The following DOCK7 variants were observed in gnomAD, a reference collection of about 807,000 sequenced individuals.
DOCK7 encodes dedicator of cytokinesis 7, also known as dedicator of cytokinesis protein 7.
A neutral mutation model predicts 271.0 loss-of-function variants in DOCK7; 138 were observed. That is an observed-to-expected ratio of 0.51 (90% CI 0.44 to 0.59). The LOEUF (loss-of-function observed/expected upper bound fraction) is 0.59. Among genes scored for constraint, DOCK7 ranks in the 20% least tolerant of loss-of-function variants. DOCK7 has a pLI of 0.00. For synonymous variants in DOCK7, 823 were observed against 876.1 expected (o/e 0.94, Z 1.07); for missense variants, 2,066 against 2,592.4 (o/e 0.80, Z 4.41).
At chr1:62,507,032 C>G (rs189219623) in intron 35 of DOCK7, among the ~76,000 whole-genome samples, 135 of 151,920 alleles carry the variant, frequency 8.9e-4, no homozygotes, top group African/African-American at 3.1e-3. Context: ...TGGTCTTGAA[C>G]TCCTGACTTG....
Position 62,618,765 on chromosome 1 carries a change from A to G in DOCK7, c.1623T>C (p.Pro541=). The G allele has an allele frequency of 6.2e-7, 1 of 1,613,792 alleles. No homozygotes were observed. ...CGGGAAACTCTAAGATTTCTCTGGTAGGTCTAACTCTACTGTCAGGGTAAA... is the reference window on the plus strand; with the variant it reads ...CGGGAAACTCTAAGATTTCTCTGGTGGGTCTAACTCTACTGTCAGGGTAAA... ...VKLYPDSRVR[P]TREILEFPAR... is the part of the protein sequence containing the mutation. Residue 541 remains proline, a synonymous_variant, in exon 14 of 50, where the codon CCT becomes CCC. Transcript: ENST00000635253.
At chr1:62,484,404 G>T (rs538815789) in intron 43 of DOCK7, 2 of 152,244 alleles carry the variant, frequency 1.3e-5, no homozygotes, top group East Asian at 3.9e-4. Flanking sequence ...TATCACTGGG[G>T]ATTGATTTTT....
At chr1:62,661,490 T>C (rs777476403) in intron 2 of DOCK7, among the ~76,000 whole-genome samples, 6 of 151,928 alleles carry the variant, frequency 3.9e-5, no homozygotes, top group Non-Finnish European at 8.8e-5. Flanking sequence ...TGTAAGTATA[T>C]ATTATACATA....
chr1:62,598,244 C>T (rs1649584831), intron 14 of DOCK7, among the ~76,000 whole-genome samples: 1 of 151,608 alleles, frequency 6.6e-6, no homozygotes. Context: ...TTTTGTTTCC[C>T]TAATGTTATA....
chr1:62,559,940 A>C (rs1175219809), intron 19 of DOCK7, among the ~76,000 whole-genome samples: 1 of 152,164 alleles, frequency 6.6e-6, no homozygotes, highest in African/African-American at 2.4e-5. Context: ...CATGTTAGGC[A>C]AAGGGTGCCT....
At chr1:62,592,794 T>A (rs552233515) in intron 14 of DOCK7, among the ~76,000 whole-genome samples, 11 of 152,140 alleles carry the variant, frequency 7.2e-5, no homozygotes, top group Non-Finnish European at 1.5e-4. Flanking sequence ...AAAGAGGAAC[T>A]CTCATATACT....
At chr1:62,658,224 C>T (rs1229903448) in intron 2 of DOCK7, among the ~76,000 whole-genome samples, 1 of 151,860 alleles carries the variant, frequency 6.6e-6, no homozygotes, top group African/African-American at 2.4e-5. Flanking sequence ...GAGGCAGAGG[C>T]AGGCAGATCA....
intron 14 of DOCK7, chr1:62,608,195 C>T (rs879418726): frequency 2.6e-5 from 4 of 152,076 alleles, no homozygotes; most frequent in African/African-American, 4.8e-5. Context: ...ATAGTTGTGC[C>T]CTCACAAGAA....
intron 18 of DOCK7, 96 bp from the exon 19 acceptor site, chr1:62,561,799 G>T: frequency 8.0e-6 from 5 of 622,010 alleles, no homozygotes; most frequent in Non-Finnish European, 1.3e-5. Context: ...GAAAAATATT[G>T]TGAAAATATA....
chr1:62,654,157 C>T lies in DOCK7; in HGVS notation c.147G>A (p.Val49=), dbSNP rs1557864968. ...IVGNISHHTT[V]PLTEAVDPVD... ...CTGGATCTACTGCTTCGGTAAGGGG[C>T]ACCTTTGTAAAAAGTTGGGATAAGA... The change falls in exon 3 of 50, where the codon GTG becomes GTA. Residue 49 remains valine (V), a splice_region_variant and synonymous_variant. Transcript: ENST00000635253. 6.2e-7 allele frequency: 1 copy of T among 1,608,126 alleles called. No homozygotes were observed. Among genetic ancestry groups the T allele is most frequent in the African/African-American group, 1.3e-5 (1 of 74,614 alleles).
At chr1:62,679,013 T>C (rs1571997164) in intron 1 of DOCK7, among the ~76,000 whole-genome samples, 4 of 152,290 alleles carry the variant, frequency 2.6e-5, no homozygotes, top group Admixed American at 6.5e-5. Flanking sequence ...TAAATACATA[T>C]GCATACTATG....
intron 31 of DOCK7, among the ~76,000 whole-genome samples, chr1:62,518,297 C>T (rs1426054679): frequency 4.6e-5 from 7 of 150,664 alleles, no homozygotes; most frequent in South Asian, 2.1e-4. Flanking sequence ...ATTGGTCCGG[C>T]GTGGTGGCTC....
At chr1:62,631,534 C>T in intron 10 of DOCK7, 129 bp from the exon 11 acceptor site, 1 of 753,486 alleles carries the variant, frequency 1.3e-6, no homozygotes, top group Non-Finnish European at 2.1e-6. Context: ...AAAATCTGTA[C>T]CTTACAGAGA....
chr1:62,542,633 T>C lies in DOCK7; in HGVS notation c.3020A>G (p.Gln1007Arg). ...CATTAATTCAAAAAAGAACCAGGCT[T>C]GTTGCAAAGCTGATTCCCGAACGCT... ...SGSVRESALQ[Q>R]AWFFFELMVK... Residue 1007 changes from glutamine (Q) to arginine (R), a missense_variant, in exon 25 of 50, where the codon CAA becomes CGA. Gln to Arg is a conservative substitution (Grantham distance 43). This residue lies in a region of DOCK7 where 1,414 missense variants were observed against 1,670.4 expected (regional missense o/e 0.85). Coordinates refer to ENST00000635253, the MANE Select transcript of DOCK7 (RefSeq NM_001367561.1). 1 of 1,612,778 alleles carries C rather than the reference T, an allele frequency of 6.2e-7. No individual in the cohort carries two copies. The highest frequency in any genetic ancestry group is 8.5e-7 in the Non-Finnish European group (1 of 1,179,208).
intron 37 of DOCK7, among the ~76,000 whole-genome samples, chr1:62,504,097 C>T (rs1646872709): frequency 6.7e-6 from 1 of 148,382 alleles, no homozygotes; most frequent in Admixed American, 6.7e-5. Flanking sequence ...AAAAAGAAAA[C>T]ACAAACTGAA....
chr1:62,490,705 C>T lies in DOCK7; in HGVS notation c.5362-1640G>A, dbSNP rs188306390. 5.1e-3 allele frequency among the ~76,000 whole-genome samples: 773 copies of T among 152,240 alleles called. 7 individuals are homozygous for T. The highest frequency in any genetic ancestry group is 7.8e-3 in the Non-Finnish European group (532 of 68,006). Reference sequence around the variant, plus strand: ...AAAAGAATTTTAATAATATAGGTTACTGTCCCCCAATCTAAATGCACTATT... The same window carrying T: ...AAAAGAATTTTAATAATATAGGTTATTGTCCCCCAATCTAAATGCACTATT... On this transcript the variant is annotated intron_variant, in intron 41 of 49. Coordinates refer to ENST00000635253, the MANE Select transcript of DOCK7 (RefSeq NM_001367561.1).
At chr1:62,642,403 C>T (rs1305683220) in intron 7 of DOCK7, among the ~76,000 whole-genome samples, 1 of 152,168 alleles carries the variant, frequency 6.6e-6, no homozygotes, top group Non-Finnish European at 1.5e-5. Flanking sequence ...CGTGCCTGGC[C>T]TGTTCTACTT....
At chr1:62,456,406 C>T (rs959848967) in intron 49 of DOCK7, among the ~76,000 whole-genome samples, 5 of 152,100 alleles carry the variant, frequency 3.3e-5, no homozygotes, top group Admixed American at 6.5e-5. Flanking sequence ...ACTTATCCTT[C>T]GTGCCATTAA....
At chr1:62,618,681 A>C in intron 14 of DOCK7, 25 bp downstream of exon 14, 1 of 1,589,074 alleles carries the variant, frequency 6.3e-7, no homozygotes, top group Non-Finnish European at 8.6e-7. Flanking sequence ...CTTCTATCAG[A>C]ATTCTCCAAA....
Sources: allele counts gnomAD v4.1 joint callset (sites outside exome capture counted in the v4.1 genomes callset), GRCh38; gene constraint gnomAD v4.1.1; regional missense constraint gnomAD v4.1.1; transcripts MANE v1.5; gene names NCBI Gene and HGNC (gene_info 2026-07-23, HGNC 2026-07-21).